Variants in GRIA2 observed in about 807,000 individuals in gnomAD.
The protein encoded by GRIA2 is glutamate ionotropic receptor AMPA type subunit 2, also known as glutamate receptor 2.
GRIA2 carries 14 observed loss-of-function variants against 97.3 expected under a neutral mutation model. The observed-to-expected ratio is 0.14, with a 90% CI of 0.10 to 0.23. GRIA2 has a LOEUF of 0.23. GRIA2 is among the 10% of genes least tolerant of loss of function. The pLI is 1.00. For missense variants in GRIA2, 558 were observed against 1,069.8 expected (o/e 0.52, Z 6.67); for synonymous variants, 412 against 387.8 (o/e 1.06, Z -0.73).
intron 2 of GRIA2, among the ~76,000 whole-genome samples, chr4:157,235,432 C>T (rs139037754): frequency 1.6e-3 from 239 of 151,772 alleles, no homozygotes; most frequent in African/African-American, 5.4e-3. Context: ...ACATTAGTCT[C>T]GGTAATAGAC....
chr4:157,349,983 A>G (rs988463168), intron 12 of GRIA2, among the ~76,000 whole-genome samples: 1 of 152,296 alleles, frequency 6.6e-6, no homozygotes, highest in African/African-American at 2.4e-5. Flanking sequence ...TAGAGATATC[A>G]TAACATTTAT....
chr4:157,289,577 A>G (rs112344575), intron 2 of GRIA2, among the ~76,000 whole-genome samples: 118 of 151,954 alleles, frequency 7.8e-4, no homozygotes, highest in African/African-American at 2.8e-3. Flanking sequence ...ATATATCAAT[A>G]CTTATCTTCA....
intron 6 of GRIA2, among the ~76,000 whole-genome samples, chr4:157,323,729 T>C (rs1008505209): frequency 6.6e-6 from 1 of 152,218 alleles, no homozygotes; most frequent in Non-Finnish European, 1.5e-5. Flanking sequence ...TGCATTAAAA[T>C]GCAAGAGGTA....
At chr4:157,293,716 A>G (rs1733208424) in intron 2 of GRIA2, among the ~76,000 whole-genome samples, 1 of 152,158 alleles carries the variant, frequency 6.6e-6, no homozygotes, top group South Asian at 2.1e-4. Context: ...AAAATAAGCT[A>G]CAAATCCTTT....
At chr4:157,274,340 A>G (rs978146068) in intron 2 of GRIA2, among the ~76,000 whole-genome samples, 2 of 151,854 alleles carry the variant, frequency 1.3e-5, no homozygotes, top group Admixed American at 1.3e-4. Flanking sequence ...TTTTTTTCCA[A>G]TTTGGATACC....
intron 12 of GRIA2, among the ~76,000 whole-genome samples, chr4:157,357,450 GA>G (rs983442325): frequency 3.3e-5 from 5 of 152,066 alleles, no homozygotes; most frequent in Non-Finnish European, 7.4e-5. Flanking sequence ...TTTAGCTGAG[GA>G]AAAATTGTCT....
chr4:157,279,828 A>G (rs1462353092), intron 2 of GRIA2, among the ~76,000 whole-genome samples: 1 of 152,150 alleles, frequency 6.6e-6, no homozygotes, highest in East Asian at 1.9e-4. Context: ...TTCTATTATT[A>G]AAAACATATG....
chr4:157,353,404 C>T (rs564113853), intron 12 of GRIA2, among the ~76,000 whole-genome samples: 1 of 151,944 alleles, frequency 6.6e-6, no homozygotes, highest in East Asian at 1.9e-4. Context: ...GGCGTGGTGG[C>T]TCACGCCTGT....
intron 11 of GRIA2, 108 bp downstream of exon 11, chr4:157,336,855 A>T: frequency 1.0e-6 from 1 of 970,304 alleles, no homozygotes. Flanking sequence ...CTTCCTGTCC[A>T]AGCAGTTTAA....
chr4:157,274,541 C>A (rs542194367), intron 2 of GRIA2, among the ~76,000 whole-genome samples: 3 of 144,670 alleles, frequency 2.1e-5, no homozygotes, highest in African/African-American at 7.7e-5. Context: ...CAACAGGCCC[C>A]GGTGTGTGAT....
chr4:157,266,384 T>C (rs1158163263), intron 2 of GRIA2, among the ~76,000 whole-genome samples: 2 of 151,642 alleles, frequency 1.3e-5, no homozygotes, highest in African/African-American at 4.8e-5. Flanking sequence ...GTCAACAGAG[T>C]AGGTGAAAAT....
chr4:157,318,884 T>A (rs879550074), intron 5 of GRIA2, among the ~76,000 whole-genome samples: 1 of 152,164 alleles, frequency 6.6e-6, no homozygotes, highest in Non-Finnish European at 1.5e-5. Context: ...TGTATCACAT[T>A]GTTACATCAG....
chr4:157,331,290 T>A (rs1367580722), intron 6 of GRIA2, among the ~76,000 whole-genome samples: 2 of 152,118 alleles, frequency 1.3e-5, no homozygotes, highest in South Asian at 2.1e-4. Flanking sequence ...ATATTTTTTT[T>A]AATGTAGTTA....
chr4:157,325,786 C>T (rs1472088601), intron 6 of GRIA2, among the ~76,000 whole-genome samples: 2 of 152,194 alleles, frequency 1.3e-5, no homozygotes, highest in Admixed American at 1.3e-4. Flanking sequence ...AGCACTGCCT[C>T]ACTTCCTACC....
chr4:157,247,908 G>A (rs1169369535), intron 2 of GRIA2, among the ~76,000 whole-genome samples: 1 of 151,934 alleles, frequency 6.6e-6, no homozygotes, highest in East Asian at 1.9e-4. Context: ...GTTTAACTCT[G>A]GATTACAAGA....
Position 157,221,785 on chromosome 4 carries a change from C to G in GRIA2, c.207C>G (p.Asn69Lys). Residue 69 changes from asparagine to lysine, a missense_variant, in exon 2 of 16, where the codon AAC becomes AAG. Asn to Lys is a moderately conservative substitution (Grantham distance 94, BLOSUM62 0). Coordinates refer to ENST00000264426, the MANE Select transcript of GRIA2 (RefSeq NM_001083619.3). ...TPHIDNLEVA[N>K]SFAVTNAFCS... ...ACATCGACAATTTGGAGGTGGCAAA[C>G]AGCTTCGCAGTCACTAATGCTTGTA... The G allele has an allele frequency of 1.2e-6, 2 of 1,614,068 alleles. No homozygotes were observed. The highest frequency in any genetic ancestry group is 1.7e-6 in the Non-Finnish European group (2 of 1,179,908).
intron 2 of GRIA2, among the ~76,000 whole-genome samples, chr4:157,279,911 G>A (rs1334559711): frequency 6.6e-6 from 1 of 152,060 alleles, no homozygotes; most frequent in Admixed American, 6.6e-5. Context: ...GATCACCTGA[G>A]GTCAGGAGTT....
intron 12 of GRIA2, among the ~76,000 whole-genome samples, chr4:157,347,255 T>C (rs1735802032): frequency 6.6e-6 from 1 of 152,170 alleles, no homozygotes. Flanking sequence ...GTGGCAGCTT[T>C]TTCCAGGGTA....
intron 6 of GRIA2, among the ~76,000 whole-genome samples, chr4:157,331,169 G>C (rs1434958411): frequency 2.0e-5 from 3 of 151,914 alleles, no homozygotes; most frequent in Admixed American, 6.6e-5. Context: ...GATTAGTTTT[G>C]AGCATTTGAA....
Sources: gnomAD v4.1 joint callset for allele counts (sites outside exome capture counted in the v4.1 genomes callset) on GRCh38, gnomAD v4.1.1 for gene constraint, MANE v1.5 for transcripts, NCBI Gene and HGNC (gene_info 2026-07-23, HGNC 2026-07-21) for gene names.